Variants in TMX2 observed in about 807,000 individuals in gnomAD.
TMX2 encodes thioredoxin-related transmembrane protein 2.
In TMX2, 20 loss-of-function variants were observed where a neutral mutation model predicts 33.4. The observed-to-expected ratio is 0.60, with a 90% CI of 0.42 to 0.87. The LOEUF (loss-of-function observed/expected upper bound fraction) is 0.87, where lower values mean the gene tolerates loss of function less well. Among genes scored for constraint, TMX2 ranks in the 40% least tolerant of loss-of-function variants. The pLI is 0.00. For synonymous variants in TMX2, 166 were observed against 140.7 expected, an observed-to-expected ratio of 1.18 and a Z score of -1.27; for missense variants, 340 against 370.7, an observed-to-expected ratio of 0.92 and a Z score of 0.68.
Position 57,737,945 on chromosome 11 carries a change from A to T in TMX2, c.283A>T (p.Met95Leu). The T allele has an allele frequency of 6.2e-7, 1 of 1,614,152 alleles. No homozygotes were observed. The change falls in exon 3 of 8, where the codon ATG becomes TTG. Residue 95 changes from methionine to leucine, a missense_variant. Transcript: ENST00000278422. ...TVEQHIGNIF[M>L]FSKVANTILF... is the part of the protein sequence containing the mutation. ...GGAGCAACATATAGGCAACATTTTC[A>T]TGTTTAGTAAAGTGGCCAACACAAT...
intron 1 of TMX2, among the ~76,000 whole-genome samples, chr11:57,733,941 C>T (rs550435689): frequency 4.6e-5 from 7 of 151,958 alleles, no homozygotes; most frequent in Middle Eastern, 3.4e-3. Context: ...GAGGCTGAAG[C>T]GGGCGGATCA....
At chr11:57,715,165 T>C (rs1386688551) in intron 1 of TMX2, among the ~76,000 whole-genome samples, 3 of 152,092 alleles carry the variant, frequency 2.0e-5, no homozygotes, top group Non-Finnish European at 4.4e-5. Context: ...TTTGGGAGGC[T>C]GAGGCGGGTG....
rs1430848554 is a variant in TMX2, at chr11:57,737,913, TC to T, written c.252del (p.Thr85LeufsTer6). ...AIVMMKNRRSITVEQHIGNIF... is the reference protein window; with the variant it reads ...AIVMMKNRRSXTVEQHIGNIF... ...GACCTGTGACATCTCTGTGTTTCAG[TC>T]ACTGTGGAGCAACATATAGGCAACA... is the stretch of plus-strand genomic sequence containing the variant. On this transcript the variant is annotated frameshift_variant and splice_region_variant, in exon 3 of 8. Transcript: ENST00000278422. LOFTEE classifies it high-confidence loss of function. 2 of 1,614,196 alleles carry T rather than the reference TC, an allele frequency of 1.2e-6. No individual in the cohort carries two copies. The highest frequency in any genetic ancestry group is 2.2e-5 in the South Asian group (2 of 91,086).
At chr11:57,720,504 G>C (rs558531511) in intron 1 of TMX2, among the ~76,000 whole-genome samples, 1 of 152,316 alleles carries the variant, frequency 6.6e-6, no homozygotes, top group South Asian at 2.1e-4. Flanking sequence ...CAGATTAAGC[G>C]ATTCTCATAC....
chr11:57,739,177 A>T lies in TMX2; in HGVS notation c.661A>T (p.Ile221Phe). Residue 221 changes from isoleucine (I) to phenylalanine (F), a missense_variant, in exon 7 of 8, where the codon ATC becomes TTC. This residue lies in a region of TMX2 where 209 missense variants were observed against 241.6 expected (regional missense o/e 0.87). Transcript: ENST00000278422. ...CCTCACCAAGCAACTCCCTACCCTG[A>T]TCCTGTTCCAAGGTGGCAAGGAGGC... ...SPLTKQLPTL[I>F]LFQGGKEAMR... 1.9e-6 allele frequency: 3 copies of T among 1,614,128 alleles called. No homozygotes were observed. The South Asian group carries it at 3.3e-5, about 18-fold the overall frequency.
intron 1 of TMX2, among the ~76,000 whole-genome samples, chr11:57,720,043 C>T (rs915424125): frequency 6.7e-6 from 1 of 150,036 alleles, no homozygotes; most frequent in Non-Finnish European, 1.5e-5. Flanking sequence ...AATCCCAGCA[C>T]TTTGGGAAGC....
intron 1 of TMX2, among the ~76,000 whole-genome samples, chr11:57,731,886 T>A (rs1948430888): frequency 6.6e-6 from 1 of 152,228 alleles, no homozygotes; most frequent in Admixed American, 6.5e-5. Flanking sequence ...TATTCTGATG[T>A]TGTACTTTAT....
At chr11:57,738,128 T>C (rs1024118506) in intron 3 of TMX2, 102 bp downstream of exon 3, 6 of 928,460 alleles carry the variant, frequency 6.5e-6, no homozygotes, top group African/African-American at 1.7e-5. Flanking sequence ...CCAAACATGT[T>C]TCTCCATACC....
At chr11:57,719,249 A>G (rs1285343619) in intron 1 of TMX2, among the ~76,000 whole-genome samples, 1 of 148,172 alleles carries the variant, frequency 6.7e-6, no homozygotes, top group African/African-American at 2.5e-5. Flanking sequence ...GTTGGCCAGG[A>G]TGGTCTCGAT....
rs553831131 is a variant in TMX2, at chr11:57,737,994, G to C, written c.332G>C (p.Arg111Pro). The change falls in exon 3 of 8, where the codon CGC becomes CCC. Residue 111 changes from arginine to proline, a missense_variant. Transcript: ENST00000278422. ...NTILFFRLDI[R>P]MGLLYITLCI... ...ATTCTTTTCTTCCGCTTGGATATTC[G>C]CATGGGCCTACTTTACATCACACTC... 3.7e-6 allele frequency: 6 copies of C among 1,613,466 alleles called. No individual in the cohort carries two copies. The East Asian group carries it at 1.1e-4, about 30-fold the overall frequency.
intron 1 of TMX2, among the ~76,000 whole-genome samples, chr11:57,720,706 AT>A (rs1947567318): frequency 6.6e-6 from 1 of 152,312 alleles, no homozygotes; most frequent in South Asian, 2.1e-4. Context: ...CCTCAAACTA[AT>A]TTTTATAAGT....
At chr11:57,724,229 A>C (rs745366827) in intron 1 of TMX2, among the ~76,000 whole-genome samples, 6 of 152,140 alleles carry the variant, frequency 3.9e-5, no homozygotes, top group Non-Finnish European at 7.3e-5. Flanking sequence ...AAGGGGGTTT[A>C]TTCTTGAAAA....
chr11:57,712,922 C>A, intron 1 of TMX2, 115 bp downstream of exon 1: 1 of 1,154,330 alleles, frequency 8.7e-7, no homozygotes, highest in Non-Finnish European at 1.2e-6. Context: ...GAGCCTGTAG[C>A]GGACTTAGAG....
chr11:57,721,354 T>G (rs931617455), intron 1 of TMX2, among the ~76,000 whole-genome samples: 1 of 149,368 alleles, frequency 6.7e-6, no homozygotes, highest in East Asian at 1.9e-4. Flanking sequence ...AGTTTTTTTT[T>G]TTTTTTTTTT....
chr11:57,715,072 C>A (rs1033942693), intron 1 of TMX2, among the ~76,000 whole-genome samples: 1 of 152,146 alleles, frequency 6.6e-6, no homozygotes, highest in Admixed American at 6.5e-5. Flanking sequence ...TATTTGTCAG[C>A]ATTCTTCCCA....
intron 1 of TMX2, among the ~76,000 whole-genome samples, chr11:57,731,067 T>G (rs1948355312): frequency 6.6e-6 from 1 of 151,978 alleles, no homozygotes; most frequent in Admixed American, 6.6e-5. Context: ...ATGTGTTTCC[T>G]TTAACATTCT....
At chr11:57,723,251 G>A (rs751758744) in intron 1 of TMX2, among the ~76,000 whole-genome samples, 69 of 147,952 alleles carry the variant, frequency 4.7e-4, no homozygotes, top group Middle Eastern at 4.0e-3. Flanking sequence ...AGGCCAGGGC[G>A]GATGGATCAC....
rs984059164 is a variant in TMX2, at chr11:57,735,218, T to C, written c.190-2390T>C. 1.9e-4 allele frequency among the ~76,000 whole-genome samples: 29 copies of C among 151,150 alleles called. 1 individual carries two copies. The highest frequency in any genetic ancestry group is 1.7e-3 in the Admixed American group (25 of 15,148). On this transcript the variant is annotated intron_variant, in intron 1 of 7. Coordinates refer to ENST00000278422, the MANE Select transcript of TMX2 (RefSeq NM_015959.4). ...CTCCCTCACCCCTATTTTCTTTTCT[T>C]TTTTTTTTGAGACGTTGTTTCACTC...
At position 57,739,226 on chromosome 11, in the gene TMX2, A is replaced by G. The variant is rs1225539217; in HGVS notation, c.710A>G (p.Lys237Arg). Residue 237 changes from lysine to arginine, a missense_variant, in exon 7 of 8, where the codon AAG becomes AGG. Lys to Arg is a conservative substitution (Grantham distance 26, BLOSUM62 2). This residue lies in a region of TMX2 where 209 missense variants were observed against 241.6 expected (regional missense o/e 0.87). Coordinates refer to ENST00000278422, the MANE Select transcript of TMX2 (RefSeq NM_015959.4). ...KEAMRRPQID[K>R]KGRAVSWTFS... ...GCAATGCGGCGGCCACAGATTGACA[A>G]GAAAGGACGGGCTGTCTCATGGACC... 1.2e-6 allele frequency: 2 copies of G among 1,614,012 alleles called. No homozygotes were observed. The highest frequency in any genetic ancestry group is 1.7e-6 in the Non-Finnish European group (2 of 1,180,024).
Sources: allele counts gnomAD v4.1 joint callset (sites outside exome capture counted in the v4.1 genomes callset), GRCh38; gene constraint gnomAD v4.1.1; regional missense constraint gnomAD v4.1.1; transcripts MANE v1.5; gene names NCBI Gene and HGNC (gene_info 2026-07-23, HGNC 2026-07-21).